TBC1D8: variants seen among roughly 807,000 people sequenced by gnomAD.
TBC1D8 encodes TBC1 domain family member 8.
A neutral mutation model predicts 118.8 loss-of-function variants in TBC1D8; 65 were observed. The observed-to-expected ratio is 0.55, with a 90% CI of 0.45 to 0.67. The LOEUF is 0.67. Ranked by LOEUF, TBC1D8 falls within the 30% of genes least tolerant of loss-of-function variation. The pLI is 0.00. For missense variants in TBC1D8, 1,376 were observed against 1,471.2 expected, an observed-to-expected ratio of 0.94 and a Z score of 1.06; for synonymous variants, 566 against 595.8, an observed-to-expected ratio of 0.95 and a Z score of 0.73.
At chr2:101,049,707 G>A (rs1256516529) in intron 5 of TBC1D8, among the ~76,000 whole-genome samples, 1 of 151,654 alleles carries the variant, frequency 6.6e-6, no homozygotes, top group African/African-American at 2.4e-5. Flanking sequence ...CAGCCTGGGG[G>A]ACAGAGAGAT....
Position 101,007,725 on chromosome 2 carries a change from G to GTAGAC in TBC1D8, c.*91_*95dup, listed in dbSNP as rs1678835059. ...TTTAGCCAGATGCCCCATTGGTAAG[G>GTAGAC]TAGACTGAAATCTCGGTTTAGGGCT... On this transcript the variant is annotated 3_prime_UTR_variant, in exon 20 of 20. Coordinates refer to ENST00000409318, the MANE Select transcript of TBC1D8 (RefSeq NM_001330348.2). 1 of 1,296,374 alleles carries GTAGAC rather than the reference G, an allele frequency of 7.7e-7. No homozygotes were observed. The highest frequency in any genetic ancestry group is 1.1e-6 in the Non-Finnish European group (1 of 931,006). 80.3% of individuals were successfully genotyped at this position (1,296,374 alleles called of 1,614,324 possible).
intron 5 of TBC1D8, among the ~76,000 whole-genome samples, chr2:101,045,977 A>T (rs1573930033): frequency 6.6e-6 from 1 of 152,220 alleles, no homozygotes; most frequent in East Asian, 1.9e-4. Flanking sequence ...TAGGCAACAG[A>T]GCAACATTCT....
At chr2:101,109,594 T>A (rs1487887528) in intron 1 of TBC1D8, among the ~76,000 whole-genome samples, 5 of 152,142 alleles carry the variant, frequency 3.3e-5, no homozygotes, top group Admixed American at 3.3e-4. Flanking sequence ...TGGGCAATAC[T>A]TATGAGCAGG....
chr2:101,011,282 AC>A (rs1225415103), intron 18 of TBC1D8, 168 bp downstream of exon 18: 1 of 741,406 alleles, frequency 1.3e-6, no homozygotes. Flanking sequence ...ACCCAGCAAC[AC>A]CCCCACTAGG....
intron 1 of TBC1D8, among the ~76,000 whole-genome samples, chr2:101,126,605 T>C (rs1675001712): frequency 1.3e-5 from 2 of 152,156 alleles, no homozygotes; most frequent in South Asian, 4.1e-4. Context: ...TTGATAGATA[T>C]ACAGAGAGAG....
chr2:101,077,700 A>AT (rs1002855985), intron 2 of TBC1D8, among the ~76,000 whole-genome samples: 1 of 152,184 alleles, frequency 6.6e-6, no homozygotes, highest in African/African-American at 2.4e-5. Flanking sequence ...AACACTGGAC[A>AT]TTACATTTCA....
rs1681169939 is a variant in TBC1D8, at chr2:101,038,472, C to CCG, written c.1262_1263dup (p.Asp422ArgfsTer26). ...TGGAGGGACCATACCATGTCATCAT[C>CCG]CGCAGAGGTGTCGTAGTGCACGGGG... On this transcript the variant is annotated frameshift_variant, in exon 7 of 20. Transcript: ENST00000409318. LOFTEE classifies it high-confidence loss of function. 6.2e-7 allele frequency: 1 copy of CCG among 1,613,682 alleles called. No individual in the cohort carries two copies. The highest frequency in any genetic ancestry group is 1.7e-5 in the Admixed American group (1 of 60,024).
Position 101,050,443 on chromosome 2 carries a change from T to C in TBC1D8, c.830A>G (p.Asp277Gly). 1 of 1,613,696 alleles carries C rather than the reference T, an allele frequency of 6.2e-7. No individual in the cohort carries two copies. The highest frequency in any genetic ancestry group is 8.5e-7 in the Non-Finnish European group (1 of 1,179,886). Reference sequence around the variant, plus strand: ...CGGCTCCTGCAGATCGGGGTCGAGGTCAAAGACCTCATTATCCAGCAGCCT... The same window carrying C: ...CGGCTCCTGCAGATCGGGGTCGAGGCCAAAGACCTCATTATCCAGCAGCCT... ...LRRLLDNEVF[D>G]LDPDLQEPSQ... Residue 277 changes from aspartate to glycine, a missense_variant, in exon 5 of 20, where the codon GAC becomes GGC. Asp to Gly is a moderately conservative substitution (Grantham distance 94, BLOSUM62 -1). Transcript: ENST00000409318.
chr2:101,136,287 T>A (rs1007160106), intron 1 of TBC1D8, among the ~76,000 whole-genome samples: 1 of 152,110 alleles, frequency 6.6e-6, no homozygotes, highest in African/African-American at 2.4e-5. Context: ...TTAGTGCCTA[T>A]AAGAACTGAT....
At chr2:101,124,677 G>GA (rs1172598321) in intron 1 of TBC1D8, among the ~76,000 whole-genome samples, 1 of 152,156 alleles carries the variant, frequency 6.6e-6, no homozygotes, top group Admixed American at 6.5e-5. Flanking sequence ...TCAGGGACCA[G>GA]ATCAAATGTG....
intron 1 of TBC1D8, among the ~76,000 whole-genome samples, chr2:101,144,764 C>T (rs1021252353): frequency 1.3e-5 from 2 of 151,942 alleles, no homozygotes; most frequent in African/African-American, 2.4e-5. Context: ...ATGGTGAAAC[C>T]CTGTCTCTAC....
chr2:101,113,516 G>T (rs1373036683), intron 1 of TBC1D8, among the ~76,000 whole-genome samples: 2 of 152,130 alleles, frequency 1.3e-5, no homozygotes, highest in Admixed American at 6.5e-5. Context: ...AGCCCATGAT[G>T]CACAAATCAG....
intron 7 of TBC1D8, 70 bp from the exon 8 acceptor site, chr2:101,037,778 C>G: frequency 1.3e-6 from 2 of 1,591,414 alleles, no homozygotes; most frequent in Admixed American, 1.7e-5. Context: ...GTCGAGGGGA[C>G]AGTCTTTGTT....
intron 9 of TBC1D8, 85 bp from the exon 10 acceptor site, chr2:101,033,843 C>CAG: frequency 6.9e-7 from 1 of 1,450,316 alleles, no homozygotes; most frequent in Non-Finnish European, 9.3e-7. Flanking sequence ...ATCAGGGGAC[C>CAG]CCAGTGGGGT....
intron 4 of TBC1D8, among the ~76,000 whole-genome samples, chr2:101,052,677 T>C (rs1198642667): frequency 2.0e-5 from 3 of 152,070 alleles, no homozygotes; most frequent in Non-Finnish European, 4.4e-5. Flanking sequence ...GGGTTTCCAC[T>C]GTGCCTGACC....
chr2:101,142,548 A>G (rs1227328283), intron 1 of TBC1D8, among the ~76,000 whole-genome samples: 5 of 152,162 alleles, frequency 3.3e-5, no homozygotes, highest in African/African-American at 1.2e-4. Context: ...ATAATAATAC[A>G]TTCACTCAAT....
intron 17 of TBC1D8, chr2:101,019,116 C>T: frequency 1.9e-6 from 3 of 1,549,708 alleles, no homozygotes; most frequent in Non-Finnish European, 2.6e-6. Context: ...GATGCCTTTA[C>T]AACCAAGCTC....
intron 1 of TBC1D8, among the ~76,000 whole-genome samples, chr2:101,137,862 T>TG (rs1011100023): frequency 6.6e-6 from 1 of 152,164 alleles, no homozygotes; most frequent in African/African-American, 2.4e-5. Flanking sequence ...CACTGTATAG[T>TG]GCTAAGCCAA....
chr2:101,072,793 ACAAATTGGTAC>A (rs988184901), intron 2 of TBC1D8, among the ~76,000 whole-genome samples: 2 of 152,110 alleles, frequency 1.3e-5, no homozygotes, highest in African/African-American at 2.4e-5. Flanking sequence ...CTAACAGGCC[ACAAATTGGTAC>A]CAAATTGGTA....
Sources: allele counts gnomAD v4.1 joint callset (sites outside exome capture counted in the v4.1 genomes callset), GRCh38; gene constraint gnomAD v4.1.1; transcripts MANE v1.5; gene names NCBI Gene and HGNC (gene_info 2026-07-23, HGNC 2026-07-21).